Variants in ARID4B observed in about 807,000 individuals in gnomAD.
ARID4B encodes AT-rich interactive domain-containing protein 4B.
A neutral mutation model predicts 147.5 loss-of-function variants in ARID4B; 26 were observed. The ratio of observed to expected loss-of-function variants is 0.18; its 90% CI spans 0.13 to 0.24. The LOEUF (loss-of-function observed/expected upper bound fraction) is 0.24. ARID4B is among the 10% of genes least tolerant of loss of function. The pLI is 1.00. For synonymous variants in ARID4B, 512 were observed against 507.9 expected (o/e 1.01, Z -0.11); for missense variants, 1,179 against 1,511.5 (o/e 0.78, Z 3.65).
intron 8 of ARID4B, among the ~76,000 whole-genome samples, chr1:235,239,649 T>C (rs538112156): frequency 6.6e-6 from 1 of 152,300 alleles, no homozygotes; most frequent in Admixed American, 6.5e-5. Context: ...TGTCATGTCT[T>C]AACAGTTTGA....
chr1:235,181,932 G>T lies in ARID4B; in HGVS notation c.2987C>A (p.Pro996His). ...GACCTCTACTGTTTTTTCTTCAATG[G>T]GTTTACTATCGACATTGACTGGAGG... ...KPPPVNVDSKPIEEKTVEVND... is the reference protein window; with the variant it reads ...KPPPVNVDSKHIEEKTVEVND... Residue 996 changes from proline to histidine, a missense_variant, in exon 20 of 24, where the codon CCC becomes CAC. Physicochemically the swap from Pro to His is moderately conservative, Grantham distance 77. Transcript: ENST00000264183. 6.2e-7 allele frequency: 1 copy of T among 1,614,038 alleles called. No individual in the cohort carries two copies. Among genetic ancestry groups the T allele is most frequent in the Non-Finnish European group, 8.5e-7 (1 of 1,180,016 alleles).
At chr1:235,208,628 T>C (rs984521536) in intron 17 of ARID4B, among the ~76,000 whole-genome samples, 3 of 151,910 alleles carry the variant, frequency 2.0e-5, no homozygotes, top group African/African-American at 7.2e-5. Context: ...TCACCCTACC[T>C]AGTAGCTGGG....
chr1:235,198,756 T>C (rs977092256), intron 17 of ARID4B, among the ~76,000 whole-genome samples: 2 of 152,230 alleles, frequency 1.3e-5, no homozygotes, highest in Admixed American at 1.3e-4. Flanking sequence ...ACTACATACA[T>C]AGTTGTAATT....
chr1:235,282,671 T>A (rs1181642372), intron 2 of ARID4B, among the ~76,000 whole-genome samples: 1 of 152,204 alleles, frequency 6.6e-6, no homozygotes, highest in Non-Finnish European at 1.5e-5. Context: ...GAACTCCTAT[T>A]GTACCCTGAA....
At chr1:235,258,336 G>GCAAAA (rs1353302077) in intron 3 of ARID4B, among the ~76,000 whole-genome samples, 12 of 152,126 alleles carry the variant, frequency 7.9e-5, no homozygotes, top group Admixed American at 3.9e-4. Flanking sequence ...CGTCTCAAAA[G>GCAAAA]CAAAACAAAA....
chr1:235,230,611 A>C (rs899147205), intron 10 of ARID4B, among the ~76,000 whole-genome samples: 2 of 132,720 alleles, frequency 1.5e-5, no homozygotes, highest in Admixed American at 7.8e-5. Context: ...AAAAAAAAAA[A>C]AAAAACCAGA....
chr1:235,290,452 A>G (rs184914741), intron 2 of ARID4B, among the ~76,000 whole-genome samples: 60 of 151,414 alleles, frequency 4.0e-4, no homozygotes, highest in African/African-American at 1.3e-3. Context: ...AAAAAAGCAC[A>G]TGTGCTTTAA....
chr1:235,292,541 G>A (rs1162264730), intron 2 of ARID4B, among the ~76,000 whole-genome samples: 4 of 151,874 alleles, frequency 2.6e-5, no homozygotes, highest in East Asian at 1.9e-4. Context: ...GCTTGAACCC[G>A]GGAGGCAGAG....
At chr1:235,193,989 C>T in intron 19 of ARID4B, 24 bp downstream of exon 19, 1 of 1,399,038 alleles carries the variant, frequency 7.1e-7, no homozygotes, top group Non-Finnish European at 9.6e-7. Context: ...AATACTTGCA[C>T]AACAGAACGA....
At chr1:235,235,846 T>C (rs1023677978) in intron 8 of ARID4B, among the ~76,000 whole-genome samples, 10 of 152,302 alleles carry the variant, frequency 6.6e-5, no homozygotes, top group South Asian at 6.2e-4. Context: ...ATACTACTTA[T>C]ATTAATAAGC....
intron 7 of ARID4B, among the ~76,000 whole-genome samples, chr1:235,243,327 T>C (rs924960018): frequency 3.3e-5 from 5 of 152,120 alleles, no homozygotes; most frequent in African/African-American, 1.2e-4. Flanking sequence ...ACACAGGTAC[T>C]CAATAAACTA....
intron 4 of ARID4B, among the ~76,000 whole-genome samples, chr1:235,256,417 G>T (rs937602779): frequency 1.1e-4 from 16 of 152,054 alleles, no homozygotes; most frequent in African/African-American, 3.6e-4. Flanking sequence ...GGAACCTCAG[G>T]AAGGATAGGG....
chr1:235,309,691 G>A (rs888803413), intron 2 of ARID4B, among the ~76,000 whole-genome samples: 6 of 151,846 alleles, frequency 4.0e-5, no homozygotes, highest in African/African-American at 1.5e-4. Context: ...AGCTCATTGA[G>A]AACGGGCCAT....
intron 2 of ARID4B, among the ~76,000 whole-genome samples, chr1:235,312,590 CG>C (rs1479006538): frequency 6.6e-6 from 1 of 152,068 alleles, no homozygotes; most frequent in Non-Finnish European, 1.5e-5. Flanking sequence ...GAGCAAAGCA[CG>C]AATAGGTGAC....
chr1:235,316,944 G>A (rs1363240506), intron 2 of ARID4B, among the ~76,000 whole-genome samples: 2 of 152,124 alleles, frequency 1.3e-5, no homozygotes, highest in Non-Finnish European at 2.9e-5. Context: ...AATGCTCACT[G>A]GAACATTTTG....
chr1:235,200,987 CA>C (rs939134398), intron 17 of ARID4B, among the ~76,000 whole-genome samples: 48 of 151,550 alleles, frequency 3.2e-4, no homozygotes, highest in African/African-American at 9.9e-4. Context: ...AATAAAAATA[CA>C]AAAAAAATTA....
intron 16 of ARID4B, among the ~76,000 whole-genome samples, chr1:235,214,871 T>C (rs892052100): frequency 4.5e-5 from 6 of 132,982 alleles, no homozygotes; most frequent in Admixed American, 3.3e-4. Flanking sequence ...AGATTTTCAC[T>C]CCTGTCGCCC....
chr1:235,295,099 T>C (rs1306245262), intron 2 of ARID4B, among the ~76,000 whole-genome samples: 1 of 152,110 alleles, frequency 6.6e-6, no homozygotes. Context: ...AGGATGTAAA[T>C]AGACAGACAA....
chr1:235,298,514 A>G (rs536718161), intron 2 of ARID4B, among the ~76,000 whole-genome samples: 10 of 148,636 alleles, frequency 6.7e-5, no homozygotes, highest in Admixed American at 3.4e-4. Flanking sequence ...ATATATGAAT[A>G]TAACGTATAT....
Sources: allele counts gnomAD v4.1 joint callset (sites outside exome capture counted in the v4.1 genomes callset), GRCh38; gene constraint gnomAD v4.1.1; transcripts MANE v1.5; gene names NCBI Gene and HGNC (gene_info 2026-07-23, HGNC 2026-07-21).